SPG11: variants seen among roughly 807,000 people sequenced by gnomAD.
SPG11 encodes the protein spatacsin.
In SPG11, 222 loss-of-function variants were observed where a neutral mutation model predicts 274.0. The ratio of observed to expected loss-of-function variants is 0.81; its 90% CI spans 0.73 to 0.91. SPG11 has a LOEUF of 0.91. Ranked by LOEUF, SPG11 falls within the 40% of genes least tolerant of loss-of-function variation. The pLI, the probability that SPG11 is intolerant of heterozygous loss-of-function variation, is 0.00. For synonymous variants in SPG11, 1,144 were observed against 1,039.7 expected, an observed-to-expected ratio of 1.10 and a Z score of -1.93; for missense variants, 3,114 against 2,872.7, an observed-to-expected ratio of 1.08 and a Z score of -1.92.
chr15:44,570,234 C>T (rs1438419408), intron 34 of SPG11, among the ~76,000 whole-genome samples: 1 of 152,222 alleles, frequency 6.6e-6, no homozygotes, highest in Non-Finnish European at 1.5e-5. Context: ...AAAAATGCAG[C>T]TGTCTTAGCC....
intron 38 of SPG11, 147 bp downstream of exon 38, chr15:44,565,707 G>C (rs759668065): frequency 2.0e-6 from 2 of 1,006,926 alleles, no homozygotes; most frequent in South Asian, 2.8e-5. Flanking sequence ...TCAAATTGCC[G>C]TTCTATGTTG....
intron 9 of SPG11, 125 bp from the exon 10 acceptor site, chr15:44,628,969 C>T (rs1273549725): frequency 2.9e-6 from 3 of 1,020,296 alleles, no homozygotes; most frequent in African/African-American, 1.6e-5. Context: ...AACAATATGT[C>T]TGAGGATTTT....
intron 9 of SPG11, 65 bp from the exon 10 acceptor site, chr15:44,628,909 A>G: frequency 1.4e-6 from 2 of 1,429,508 alleles, no homozygotes; most frequent in Non-Finnish European, 2.0e-6. Flanking sequence ...GAGCTGTTAT[A>G]AAGAATTCTA....
intron 15 of SPG11, 51 bp downstream of exon 15, chr15:44,620,139 G>T (rs1402645441): frequency 7.2e-7 from 1 of 1,395,946 alleles, no homozygotes; most frequent in Non-Finnish European, 1.0e-6. Flanking sequence ...ATTTTTTCTT[G>T]CTCTTCCCTT....
chr15:44,565,726 G>A lies in SPG11; in HGVS notation c.6999+128C>T, dbSNP rs982891186. On this transcript the variant is annotated intron_variant, in intron 38 of 39. Transcript: ENST00000261866. Reference sequence around the variant, plus strand: ...ATTGCCGTTCTATGTTGGTATCAGAGAGTTAAATCAGAACTGTACTGTCCT... The same window carrying A: ...ATTGCCGTTCTATGTTGGTATCAGAAAGTTAAATCAGAACTGTACTGTCCT... 3 of 1,164,154 alleles carry A rather than the reference G, an allele frequency of 2.6e-6. No individual in the cohort carries two copies. In the South Asian group the frequency reaches 3.9e-5, roughly 15 times the overall value. 72.1% of individuals were successfully genotyped at this position (1,164,154 alleles called of 1,614,324 possible).
rs1189591884 is a variant in SPG11, at chr15:44,660,634, GATTT to G, written c.258-22_258-19del. ...ATAGAAAGCTAAGAAAAAAAGTTTA[GATTT>G]ATTATATTCTATATCCGCAATAATA... On this transcript the variant is annotated intron_variant, in intron 1 of 39. Transcript: ENST00000261866. 5.0e-6 allele frequency: 8 copies of G among 1,611,886 alleles called. No individual in the cohort carries two copies. In the Middle Eastern group the frequency reaches 4.9e-4, roughly 99 times the overall value.
At chr15:44,636,960 A>AAAAAAAAAAAAAAAAAG (rs2084293330) in intron 7 of SPG11, among the ~76,000 whole-genome samples, 1 of 144,334 alleles carries the variant, frequency 6.9e-6, no homozygotes, top group Non-Finnish European at 1.5e-5. Context: ...AAAAAAAACA[A>AAAAAAAAAAAAAAAAAG]AAAAAAAACA....
chr15:44,574,559 T>C (rs1388646415), intron 31 of SPG11, among the ~76,000 whole-genome samples: 4 of 152,178 alleles, frequency 2.6e-5, no homozygotes, highest in South Asian at 4.1e-4. Flanking sequence ...TCACATTCCA[T>C]ATGGAATGCT....
At chr15:44,617,886 C>T (rs1004030151) in intron 15 of SPG11, among the ~76,000 whole-genome samples, 6 of 152,012 alleles carry the variant, frequency 3.9e-5, no homozygotes, top group South Asian at 2.1e-4. Flanking sequence ...ATGTTGGCCA[C>T]GCTGGTCCCA....
At chr15:44,606,958 CTT>C (rs2083337244) in intron 19 of SPG11, among the ~76,000 whole-genome samples, 1 of 152,176 alleles carries the variant, frequency 6.6e-6, no homozygotes, top group Non-Finnish European at 1.5e-5. Context: ...GTGACCTGTA[CTT>C]TCCCAGTAAA....
Position 44,578,041 on chromosome 15 carries a change from T to C in SPG11, c.5867-3000A>G, listed in dbSNP as rs868521542. On this transcript the variant is annotated intron_variant, in intron 30 of 39. Coordinates refer to ENST00000261866, the MANE Select transcript of SPG11 (RefSeq NM_025137.4). ...TTCCTTTTTTTTTTTTTTTTTTTTT[T>C]TGAGACGGAGTCTCGCTCTGTCGCC... 1.9e-3 allele frequency among the ~76,000 whole-genome samples: 280 copies of C among 148,162 alleles called. 1 individual carries two copies. The highest frequency in any genetic ancestry group is 6.6e-3 in the African/African-American group (266 of 40,060).
At position 44,596,278 on chromosome 15, in the gene SPG11, C is replaced by T. The variant is rs1228711515; in HGVS notation, c.4239G>A (p.Val1413=). The change falls in exon 25 of 40, where the codon GTG becomes GTA. Residue 1413 remains valine (V), a synonymous_variant. Transcript: ENST00000261866. ...LRLAFENLPS[V]PTSKMDSDQV... ...GATCGCTGTCCATTTTGGAGGTGGG[C>T]ACTGAGGGCAAGTTCTCAAAAGCCA... 5 of 1,614,006 alleles carry T rather than the reference C, an allele frequency of 3.1e-6. No individual in the cohort carries two copies. The highest frequency in any genetic ancestry group is 4.2e-6 in the Non-Finnish European group (5 of 1,180,014).
At chr15:44,576,624 G>A (rs1218945869) in intron 30 of SPG11, among the ~76,000 whole-genome samples, 2 of 150,992 alleles carry the variant, frequency 1.3e-5, no homozygotes, top group Non-Finnish European at 3.0e-5. Context: ...ACTCCAGCCT[G>A]GGCGACAGAG....
At chr15:44,662,077 T>C (rs12324515) in intron 1 of SPG11, among the ~76,000 whole-genome samples, 1,904 of 152,290 alleles carry the variant, frequency 0.013, 51 homozygotes, top group African/African-American at 0.044. Flanking sequence ...TTCCTCTCTT[T>C]ACAGAGCCAC....
rs753613456 is a variant in SPG11, at chr15:44,652,137, T to A, written c.999A>T (p.Gln333His). 1.2e-6 allele frequency: 2 copies of A among 1,613,934 alleles called. No homozygotes were observed. Among genetic ancestry groups the A allele is most frequent in the African/African-American group, 2.7e-5 (2 of 74,904 alleles). ...YNMKLAKFSF[Q>H]IDRSWKAQLS... ...AAAGGAAGTTTCTGTACCTATCAAT[T>A]TGGAAGGAAAACTTGGCCAGTTTCA... The change falls in exon 5 of 40, where the codon CAA (glutamine) becomes CAT (histidine). Residue 333 changes from glutamine to histidine, a missense_variant. Coordinates refer to ENST00000261866, the MANE Select transcript of SPG11 (RefSeq NM_025137.4).
At chr15:44,566,124 C>A in intron 37 of SPG11, 93 bp downstream of exon 37, 1 of 1,586,034 alleles carries the variant, frequency 6.3e-7, no homozygotes, top group Non-Finnish European at 8.6e-7. Flanking sequence ...GATGCCCTCC[C>A]GCTTCACCTG....
Position 44,583,974 on chromosome 15 carries a change from A to C in SPG11, c.5706T>G (p.His1902Gln). 1 of 1,614,248 alleles carries C rather than the reference A, an allele frequency of 6.2e-7. No individual in the cohort carries two copies. The highest frequency in any genetic ancestry group is 8.5e-7 in the Non-Finnish European group (1 of 1,180,040). Residue 1902 changes from histidine to glutamine, a missense_variant, in exon 30 of 40, where the codon CAT (histidine) becomes CAG (glutamine). By Grantham distance (24) the His-to-Gln change is conservative. Transcript: ENST00000261866. ...CCAAGGCGACATCTGGATTATAAAA[A>C]TGAAAATACCGGCATACTCTACTTG... ...HEASRVCRYFHFYNPDVALVL... is the reference protein window; with the variant it reads ...HEASRVCRYFQFYNPDVALVL...
At chr15:44,596,498 T>C (rs765981512) in intron 24 of SPG11, 143 bp from the exon 25 acceptor site, 51 of 1,032,276 alleles carry the variant, frequency 4.9e-5, no homozygotes, top group Non-Finnish European at 6.8e-5. Context: ...TTTACAAAGC[T>C]GTATGGTGCC....
In SPG11 at chr15:44,584,475, A is replaced by G; in HGVS notation, c.5205T>C (p.His1735=). 6.2e-7 allele frequency: 1 copy of G among 1,614,216 alleles called. No individual in the cohort carries two copies. The highest frequency in any genetic ancestry group is 1.1e-5 in the South Asian group (1 of 91,086). The change falls in exon 30 of 40, where the codon CAT becomes CAC. Residue 1735 remains histidine (H), a synonymous_variant. Transcript: ENST00000261866. Reference sequence around the variant, plus strand: ...AAATTGAATTTTTCTTAAAATTCTCATGGCATTTTTTCCAGAAGTCAATTC... The same window carrying G: ...AAATTGAATTTTTCTTAAAATTCTCGTGGCATTTTTTCCAGAAGTCAATTC... ...QARIDFWKKC[H]ENFKKNSISS...
Sources: allele counts gnomAD v4.1 joint callset (sites outside exome capture counted in the v4.1 genomes callset), GRCh38; gene constraint gnomAD v4.1.1; transcripts MANE v1.5; gene names NCBI Gene and HGNC (gene_info 2026-07-23, HGNC 2026-07-21).